Variants in FOXO3 observed in about 807,000 individuals in gnomAD.
FOXO3 encodes the protein forkhead box protein O3.
A neutral mutation model predicts 41.9 loss-of-function variants in FOXO3; 4 were observed. The ratio of observed to expected loss-of-function variants is 0.10; its 90% CI spans 0.05 to 0.22. The LOEUF (loss-of-function observed/expected upper bound fraction) is 0.22, where lower values mean the gene tolerates loss of function less well. FOXO3 is among the 10% of genes least tolerant of loss of function. The pLI is 1.00. For missense variants in FOXO3, 534 were observed against 906.8 expected (o/e 0.59, Z 5.28); for synonymous variants, 318 against 389.3 (o/e 0.82, Z 2.16).
intron 1 of FOXO3, among the ~76,000 whole-genome samples, chr6:108,638,000 A>G (rs553353331): frequency 1.3e-5 from 2 of 152,344 alleles, no homozygotes; most frequent in South Asian, 4.1e-4. Flanking sequence ...TACTTAGAAG[A>G]AAAAAATGAA....
chr6:108,677,945 C>T (rs1419076059), intron 2 of FOXO3, among the ~76,000 whole-genome samples: 2 of 152,012 alleles, frequency 1.3e-5, no homozygotes, highest in African/African-American at 2.4e-5. Flanking sequence ...CCCAAAAAAC[C>T]ATCAGCCAGG....
At chr6:108,592,775 G>A (rs1295673693) in intron 1 of FOXO3, among the ~76,000 whole-genome samples, 1 of 152,102 alleles carries the variant, frequency 6.6e-6, no homozygotes, top group Non-Finnish European at 1.5e-5. Flanking sequence ...CACAGCTGTG[G>A]CTTCGGGTTG....
At chr6:108,614,918 T>C (rs1777452314) in intron 1 of FOXO3, among the ~76,000 whole-genome samples, 1 of 152,128 alleles carries the variant, frequency 6.6e-6, no homozygotes, top group Admixed American at 6.5e-5. Flanking sequence ...CACTCTTGGC[T>C]TATTAGGTAC....
intron 1 of FOXO3, among the ~76,000 whole-genome samples, chr6:108,617,176 C>G (rs941661957): frequency 1.3e-5 from 2 of 152,122 alleles, no homozygotes; most frequent in Non-Finnish European, 2.9e-5. Flanking sequence ...TGGTAACTCT[C>G]TTTAACCTTT....
At chr6:108,645,086 G>T (rs1778360257) in intron 1 of FOXO3, among the ~76,000 whole-genome samples, 1 of 152,184 alleles carries the variant, frequency 6.6e-6, no homozygotes, top group Non-Finnish European at 1.5e-5. Flanking sequence ...GATGTTATAT[G>T]ATATTAAATG....
chr6:108,567,745 A>T lies in FOXO3; in HGVS notation c.621+5916A>T, dbSNP rs1416712643. On this transcript the variant is annotated intron_variant, in intron 1 of 2. Transcript: ENST00000406360. ...GGCAACAAAGTGAGACCTCGTCTCT[A>T]CCAGAAAAAAAGAAAACTAGGCCAG... Among the ~76,000 whole-genome samples, 4 of 152,022 alleles carry T rather than the reference A, an allele frequency of 2.6e-5. No homozygotes were observed. The South Asian group carries it at 6.2e-4, about 24-fold the overall frequency.
intron 1 of FOXO3, among the ~76,000 whole-genome samples, chr6:108,585,274 A>C (rs1189856408): frequency 2.6e-5 from 4 of 151,160 alleles, no homozygotes; most frequent in Non-Finnish European, 5.9e-5. Context: ...CGATCTCCTG[A>C]CCTCGTGATC....
At chr6:108,610,126 A>G (rs1777318660) in intron 1 of FOXO3, among the ~76,000 whole-genome samples, 1 of 152,150 alleles carries the variant, frequency 6.6e-6, no homozygotes, top group Non-Finnish European at 1.5e-5. Flanking sequence ...TACAATGGCT[A>G]TTTAAAATCG....
rs745628720 is a variant in FOXO3 at position 108,664,024 on chromosome 6, G to T, written c.1191G>T (p.Pro397=). 6.2e-7 allele frequency: 1 copy of T among 1,614,048 alleles called. No individual in the cohort carries two copies. The highest frequency in any genetic ancestry group is 8.5e-7 in the Non-Finnish European group (1 of 1,179,986). Residue 397 remains proline, a synonymous_variant, in exon 2 of 3, where the codon CCG becomes CCT. Coordinates refer to ENST00000406360, the MANE Select transcript of FOXO3 (RefSeq NM_001455.4). The part of the protein sequence containing the change: ...MDDLLDNITL[P]PSQPSPTGGL... The stretch of plus-strand genomic sequence containing the variant: ...ACCTGCTGGATAACATCACGCTCCC[G>T]CCATCCCAGCCATCGCCCACTGGGG...
chr6:108,650,586 A>G (rs1474817959), intron 1 of FOXO3, among the ~76,000 whole-genome samples: 1 of 152,216 alleles, frequency 6.6e-6, no homozygotes, highest in Non-Finnish European at 1.5e-5. Context: ...AGCCTGCTAC[A>G]ATAAAATACT....
intron 1 of FOXO3, among the ~76,000 whole-genome samples, chr6:108,625,606 G>A (rs1777792194): frequency 6.6e-6 from 1 of 152,158 alleles, no homozygotes; most frequent in Non-Finnish European, 1.5e-5. Context: ...CCTTGCTCTG[G>A]GAAGCTGTGT....
chr6:108,575,398 G>GA (rs1015743487), intron 1 of FOXO3, among the ~76,000 whole-genome samples: 45 of 139,642 alleles, frequency 3.2e-4, no homozygotes, highest in African/African-American at 7.7e-4. Context: ...AAAAAGAAAA[G>GA]AAAAAAAAAC....
At chr6:108,657,991 T>TG (rs1778737657) in intron 1 of FOXO3, among the ~76,000 whole-genome samples, 1 of 152,170 alleles carries the variant, frequency 6.6e-6, no homozygotes, top group African/African-American at 2.4e-5. Flanking sequence ...CCTCTGGGCC[T>TG]GGGGGAGTTG....
At chr6:108,571,982 A>G (rs1176777464) in intron 1 of FOXO3, among the ~76,000 whole-genome samples, 1 of 152,164 alleles carries the variant, frequency 6.6e-6, no homozygotes, top group East Asian at 1.9e-4. Flanking sequence ...GTGAGGACAG[A>G]GGGAGGCATG....
At chr6:108,596,282 T>C (rs1776880165) in intron 1 of FOXO3, among the ~76,000 whole-genome samples, 1 of 150,340 alleles carries the variant, frequency 6.7e-6, no homozygotes, top group African/African-American at 2.5e-5. Context: ...TCTAGAAAAA[T>C]GTGGTTACCT....
At chr6:108,649,191 G>A (rs568700024) in intron 1 of FOXO3, among the ~76,000 whole-genome samples, 2 of 152,190 alleles carry the variant, frequency 1.3e-5, no homozygotes, top group South Asian at 4.1e-4. Context: ...GGGTGACATA[G>A]ATAGGCCCAG....
At chr6:108,647,131 A>G (rs1582812034) in intron 1 of FOXO3, among the ~76,000 whole-genome samples, 1 of 152,258 alleles carries the variant, frequency 6.6e-6, no homozygotes, top group East Asian at 1.9e-4. Context: ...AACCTCATAT[A>G]TGAATTTAGA....
intron 1 of FOXO3, among the ~76,000 whole-genome samples, chr6:108,633,130 T>C (rs1357554966): frequency 6.6e-6 from 1 of 152,216 alleles, no homozygotes; most frequent in Non-Finnish European, 1.5e-5. Context: ...TATTTTAGCA[T>C]TGAGCATAGT....
intron 2 of FOXO3, among the ~76,000 whole-genome samples, chr6:108,673,844 C>T (rs1770463495): frequency 6.6e-6 from 1 of 152,172 alleles, no homozygotes. Context: ...TTGTGATATG[C>T]AGGTCATGTT....
Sources: allele counts gnomAD v4.1 joint callset (sites outside exome capture counted in the v4.1 genomes callset), GRCh38; gene constraint gnomAD v4.1.1; transcripts MANE v1.5; gene names NCBI Gene and HGNC (gene_info 2026-07-23, HGNC 2026-07-21).